Variants in STX4 observed in about 807,000 individuals in gnomAD.
STX4 encodes syntaxin-4.
Under a neutral mutation model 41.8 loss-of-function variants are expected in STX4, and 24 were observed. The ratio of observed to expected loss-of-function variants is 0.57; its 90% CI spans 0.42 to 0.81. The LOEUF (loss-of-function observed/expected upper bound fraction) is 0.81, where lower values mean the gene tolerates loss of function less well. Among genes scored for constraint, STX4 ranks in the 30% least tolerant of loss-of-function variants. The pLI is 0.00. For synonymous variants in STX4, 158 were observed against 156.4 expected, an observed-to-expected ratio of 1.01 and a Z score of -0.08; for missense variants, 316 against 389.9, an observed-to-expected ratio of 0.81 and a Z score of 1.60.
rs758269932 is a variant in STX4, at chr16:31,038,505, C to G, written c.565-5C>G. ...ACAGTTGCCCCACTCCTGTCCACCC[C>G]CCAGATCCTGAAGGACACGCAGGTG... On this transcript the variant is annotated splice_polypyrimidine_tract_variant and splice_region_variant and intron_variant, in intron 7 of 10. Coordinates refer to ENST00000313843, the MANE Select transcript of STX4 (RefSeq NM_004604.5). 3 of 1,614,008 alleles carry G rather than the reference C, an allele frequency of 1.9e-6. No individual in the cohort carries two copies. The highest frequency in any genetic ancestry group is 4.5e-5 in the East Asian group (2 of 44,902).
chr16:31,038,490 C>G lies in STX4; in HGVS notation c.565-20C>G, dbSNP rs1263797289. 1 of 1,613,866 alleles carries G rather than the reference C, an allele frequency of 6.2e-7. No individual in the cohort carries two copies. The highest frequency in any genetic ancestry group is 1.1e-5 in the South Asian group (1 of 91,066). ...TCGGTCTCCCTGTGAACAGTTGCCC[C>G]ACTCCTGTCCACCCCCCAGATCCTG... On this transcript the variant is annotated intron_variant, in intron 7 of 10. Coordinates refer to ENST00000313843, the MANE Select transcript of STX4 (RefSeq NM_004604.5).
At chr16:31,037,894 A>G (rs762293471) in intron 5 of STX4, 32 bp from the exon 6 acceptor site, 6 of 1,612,508 alleles carry the variant, frequency 3.7e-6, no homozygotes, top group South Asian at 2.2e-5. Context: ...GGATCCTCCC[A>G]GGGGCACTCA....
At chr16:31,036,333 C>T (rs2056799465) in intron 5 of STX4, among the ~76,000 whole-genome samples, 1 of 152,096 alleles carries the variant, frequency 6.6e-6, no homozygotes, top group Non-Finnish European at 1.5e-5. Flanking sequence ...CAAGGCAGAG[C>T]AGATGCCCCA....
intron 4 of STX4, 125 bp downstream of exon 4, chr16:31,034,661 G>A (rs2056786319): frequency 8.9e-7 from 1 of 1,125,448 alleles, no homozygotes; most frequent in South Asian, 1.7e-5. Context: ...CCTGGGTCTA[G>A]CATCTGTCTC....
intron 5 of STX4, chr16:31,035,782 A>G (rs1477368364): frequency 1.3e-5 from 2 of 151,608 alleles, no homozygotes; most frequent in African/African-American, 2.4e-5. Context: ...TTATTTTTTT[A>G]ATTATTATTA....
chr16:31,036,036 C>T (rs1159079697), intron 5 of STX4, among the ~76,000 whole-genome samples: 1 of 152,072 alleles, frequency 6.6e-6, no homozygotes, highest in African/African-American at 2.4e-5. Context: ...GCTTTGGCCT[C>T]GCAAAGTGCT....
chr16:31,039,038 G>A lies in STX4; in HGVS notation c.702+391G>A. The stretch of plus-strand genomic sequence containing the variant: ...GGCGTTCCCCTGGCCCTGGTTGTGA[G>A]TTGAGTTGAGCTTCCAGCCCTGTCC... On this transcript the variant is annotated intron_variant, in intron 8 of 10. Transcript: ENST00000313843. The surrounding 1 kb of genome is among the most constrained non-coding windows in gnomAD (Gnocchi z 4.1). The A allele has an allele frequency of 4.1e-6, 1 of 241,246 alleles. No homozygotes were observed. Among genetic ancestry groups the A allele is most frequent in the Non-Finnish European group, 8.3e-6 (1 of 121,212 alleles). 14.9% of individuals were successfully genotyped at this position (241,246 alleles called of 1,614,324 possible).
chr16:31,033,221 G>T, upstream of STX4: 1 of 644,924 alleles, frequency 1.6e-6, no homozygotes, highest in African/African-American at 1.8e-5. This position sits in a 1 kb window ranked among gnomAD's most constrained non-coding sequence, Gnocchi z 5.5. Flanking sequence ...TCCCAGAGAC[G>T]GCGGTGACAG....
Position 31,033,626 on chromosome 16 carries a change from C to T in STX4, c.-180C>T, listed in dbSNP as rs1399201055. 3 of 1,472,762 alleles carry T rather than the reference C, an allele frequency of 2.0e-6. No homozygotes were observed. The highest frequency in any genetic ancestry group is 2.7e-6 in the Non-Finnish European group (3 of 1,111,986). 91.2% of individuals were successfully genotyped at this position (1,472,762 alleles called of 1,614,324 possible). A position where few individuals can be genotyped will look rare whatever the true frequency, so the allele number is the denominator to read the frequency against. On this transcript the variant is annotated 5_prime_UTR_variant, in exon 1 of 11. Transcript: ENST00000313843. This position sits in a 1 kb window ranked among gnomAD's most constrained non-coding sequence, Gnocchi z 5.5. ...AACCTGTGGAACCTTGGGGGGTCCC[C>T]GGGGTCGGCGCCTTCCCATTGACTG...
At position 31,033,770 on chromosome 16, in the gene STX4, C is replaced by T. The variant is rs1036635299; in HGVS notation, c.-36C>T. On this transcript the variant is annotated 5_prime_UTR_variant, in exon 1 of 11. Transcript: ENST00000313843. The surrounding 1 kb of genome is among the most constrained non-coding windows in gnomAD (Gnocchi z 5.5). ...GGGAATTCCAAATTTGAGGGCCTCC[C>T]GGCTCTGGCGCCGGGGAGGGAGAGC... is the stretch of plus-strand genomic sequence containing the variant. 5 of 1,449,632 alleles carry T rather than the reference C, an allele frequency of 3.4e-6. No individual in the cohort carries two copies. The African/African-American group carries it at 5.7e-5, about 17-fold the overall frequency. 89.8% of individuals were successfully genotyped at this position (1,449,632 alleles called of 1,614,324 possible).
intron 5 of STX4, chr16:31,035,770 T>C (rs2143718919): frequency 6.6e-6 from 1 of 152,098 alleles, no homozygotes. Flanking sequence ...TGGTGTGATA[T>C]CTTATTTTTT....
Position 31,034,468 on chromosome 16 carries a change from A to G in STX4, c.239A>G (p.Lys80Arg), listed in dbSNP as rs764843164. The G allele has an allele frequency of 1.9e-6, 3 of 1,603,584 alleles. No homozygotes were observed. Among genetic ancestry groups the G allele is most frequent in the South Asian group, 2.2e-5 (2 of 90,008 alleles). The change falls in exon 4 of 11, where the codon AAG becomes AGG. Residue 80 changes from lysine to arginine, a missense_variant. Coordinates refer to ENST00000313843, the MANE Select transcript of STX4 (RefSeq NM_004604.5). ...LATPLPEESM[K>R]QELQNLRDEI... Reference sequence around the variant, plus strand: ...TTGGCCTTCTCTTATTCAGGCATGAAGCAGGAGCTGCAGAACCTGCGCGAT... The same window carrying G: ...TTGGCCTTCTCTTATTCAGGCATGAGGCAGGAGCTGCAGAACCTGCGCGAT...
chr16:31,039,617 AGACGGC>A lies in STX4; in HGVS notation c.780_785del (p.Lys260_Ala262delinsAsn). On this transcript the variant is annotated inframe_deletion, in exon 9 of 11. Coordinates refer to ENST00000313843, the MANE Select transcript of STX4 (RefSeq NM_004604.5). This position sits in a 1 kb window ranked among gnomAD's most constrained non-coding sequence, Gnocchi z 4.1. ...GTGGAACGTGGGCAGGAGCACGTCA[AGACGGC>A]CCTGGAGAACCAGAAGAAGGCGAGG... is the stretch of plus-strand genomic sequence containing the variant. The A allele has an allele frequency of 1.2e-6, 2 of 1,614,174 alleles. No homozygotes were observed. The highest frequency in any genetic ancestry group is 8.5e-7 in the Non-Finnish European group (1 of 1,180,008).
rs1432722332 is a variant in STX4 at position 31,035,001 on chromosome 16, G to A, written c.339G>A (p.Glu113=). ...AGCCCCAGAAGGAGGAAGCTGATGA[G>A]AACTATAACTCCGTCAACACAAGAA... The part of the protein sequence containing the change: ...AIEPQKEEAD[E]NYNSVNTRMR... Residue 113 remains glutamate, a synonymous_variant, in exon 5 of 11, where the codon GAG becomes GAA. Coordinates refer to ENST00000313843, the MANE Select transcript of STX4 (RefSeq NM_004604.5). 3 of 1,611,590 alleles carry A rather than the reference G, an allele frequency of 1.9e-6. No individual in the cohort carries two copies. The highest frequency in any genetic ancestry group is 1.7e-6 in the Non-Finnish European group (2 of 1,179,244).
intron 5 of STX4, among the ~76,000 whole-genome samples, chr16:31,035,934 C>G (rs532528188): frequency 1.2e-4 from 19 of 152,174 alleles, no homozygotes; most frequent in African/African-American, 4.3e-4. Flanking sequence ...TGCACCACCA[C>G]ACCTGGCTAA....
Position 31,037,965 on chromosome 16 carries a change from A to C in STX4, c.418A>C (p.Lys140Gln), listed in dbSNP as rs1416484319. ...CCAGCAATTCGTGGAGCTCATCAAC[A>C]AGTGCAATTCAATGCAGTCCGAATA... ...LSQQFVELIN[K>Q]CNSMQSEYRE... is the part of the protein sequence containing the mutation. Residue 140 changes from lysine to glutamine, a missense_variant, in exon 6 of 11, where the codon AAG (lysine) becomes CAG (glutamine). Coordinates refer to ENST00000313843, the MANE Select transcript of STX4 (RefSeq NM_004604.5). 6.2e-7 allele frequency: 1 copy of C among 1,614,152 alleles called. No homozygotes were observed. Among genetic ancestry groups the C allele is most frequent in the East Asian group, 2.2e-5 (1 of 44,876 alleles).
chr16:31,037,054 AC>A (rs35642358), intron 5 of STX4, among the ~76,000 whole-genome samples: 6,205 of 101,132 alleles, frequency 0.061, 516 homozygotes, highest in African/African-American at 0.18. Flanking sequence ...ATATAGTGAG[AC>A]CCCCCCCCCT....
chr16:31,033,634 G>A lies in STX4; in HGVS notation c.-172G>A. ...GAACCTTGGGGGGTCCCCGGGGTCG[G>A]CGCCTTCCCATTGACTGTGGGCGGT... On this transcript the variant is annotated 5_prime_UTR_variant, in exon 1 of 11. Coordinates refer to ENST00000313843, the MANE Select transcript of STX4 (RefSeq NM_004604.5). The surrounding 1 kb of genome is among the most constrained non-coding windows in gnomAD (Gnocchi z 5.5). The A allele has an allele frequency of 2.7e-6, 4 of 1,475,602 alleles. No homozygotes were observed. Among genetic ancestry groups the A allele is most frequent in the South Asian group, 2.7e-5 (2 of 73,354 alleles). The allele number at this position is 1,475,602 out of a possible 1,614,324, so 91.4% of individuals were successfully genotyped here.
At chr16:31,036,276 A>C (rs1567389358) in intron 5 of STX4, among the ~76,000 whole-genome samples, 1 of 152,038 alleles carries the variant, frequency 6.6e-6, no homozygotes, top group African/African-American at 2.4e-5. Flanking sequence ...TATCTCTGGA[A>C]AAGGAACTCC....
Sources: allele counts gnomAD v4.1 joint callset (sites outside exome capture counted in the v4.1 genomes callset), GRCh38; gene constraint gnomAD v4.1.1; non-coding constraint Gnocchi (gnomAD v3.1); transcripts MANE v1.5; gene names NCBI Gene and HGNC (gene_info 2026-07-23, HGNC 2026-07-21).